TBL1X: variants seen among roughly 807,000 people sequenced by gnomAD.
The protein encoded by TBL1X is F-box-like/WD repeat-containing protein TBL1X.
TBL1X carries 10 observed loss-of-function variants against 50.7 expected under a neutral mutation model. That is an observed-to-expected ratio of 0.20 (90% CI 0.12 to 0.33). The LOEUF is 0.33. Among genes scored for constraint, TBL1X ranks in the 10% least tolerant of loss-of-function variants. TBL1X has a pLI of 1.00. For missense variants in TBL1X, 340 were observed against 504.4 expected (o/e 0.67, Z 3.12); for synonymous variants, 190 against 214.7 (o/e 0.88, Z 1.01).
At chrX:9,699,877 C>T (rs1051225931) in intron 12 of TBL1X, among the ~76,000 whole-genome samples, 2 of 111,453 alleles carry the variant, frequency 1.8e-5, no homozygotes, top group Non-Finnish European at 3.8e-5. Context: ...TCAGGGTTGC[C>T]GGTGAAATTT....
At chrX:9,692,308 C>T in intron 9 of TBL1X, 54 bp downstream of exon 9, 1 of 1,142,920 alleles carries the variant, frequency 8.7e-7, no homozygotes, top group Non-Finnish European at 1.2e-6. Flanking sequence ...CGGCCAGCCA[C>T]CAGGCAGGGG....
chrX:9,556,808 G>T (rs766603167), intron 2 of TBL1X, among the ~76,000 whole-genome samples: 17 of 107,286 alleles, frequency 1.6e-4, no homozygotes, highest in Non-Finnish European at 3.1e-4. Flanking sequence ...TTTTGTTTTT[G>T]TTTTTGTTTT....
chrX:9,538,261 G>A (rs776004198), intron 2 of TBL1X, among the ~76,000 whole-genome samples: 4 of 111,581 alleles, frequency 3.6e-5, no homozygotes, highest in South Asian at 7.6e-4. Flanking sequence ...TAGTAACCAT[G>A]CTGCTCCCCA....
At chrX:9,470,576 A>G (rs897101382) in intron 1 of TBL1X, among the ~76,000 whole-genome samples, 7 of 112,306 alleles carry the variant, frequency 6.2e-5, no homozygotes, top group African/African-American at 1.3e-4. Context: ...TCTTTGTTCT[A>G]TGCCAGTTAG....
At chrX:9,522,798 C>A (rs1008953638) in intron 2 of TBL1X, among the ~76,000 whole-genome samples, 4 of 111,798 alleles carry the variant, frequency 3.6e-5, no homozygotes, top group African/African-American at 1.3e-4. Flanking sequence ...GTTGAACTCA[C>A]TTTCTCAGGC....
rs1180433495 is a variant in TBL1X, at chrX:9,582,519, A to G, written c.-130-57754A>G. Among the ~76,000 whole-genome samples, 4 of 112,554 alleles carry G rather than the reference A, an allele frequency of 3.6e-5. No individual in the cohort carries two copies. The Admixed American group carries it at 3.8e-4, about 11-fold the overall frequency. ...TGAGATATAATTTGTCTGATCAAGT[A>G]TATAGGGAGATGAGATTAAGAATTA... On this transcript the variant is annotated intron_variant, in intron 2 of 17. Transcript: ENST00000645353.
At chrX:9,680,233 C>A (rs1036981872) in intron 5 of TBL1X, among the ~76,000 whole-genome samples, 4 of 111,778 alleles carry the variant, frequency 3.6e-5, no homozygotes, top group Non-Finnish European at 5.6e-5. Flanking sequence ...CTGGGGGGGA[C>A]ACAAACATTC....
At chrX:9,525,395 T>G (rs948026373) in intron 2 of TBL1X, among the ~76,000 whole-genome samples, 2 of 112,154 alleles carry the variant, frequency 1.8e-5, no homozygotes, top group African/African-American at 6.5e-5. Flanking sequence ...CCTAGGTATT[T>G]GGACAAATTT....
At chrX:9,570,373 G>A (rs1425817379) in intron 2 of TBL1X, among the ~76,000 whole-genome samples, 1 of 111,823 alleles carries the variant, frequency 8.9e-6, no homozygotes, top group Non-Finnish European at 1.9e-5. Context: ...ACAGGAATGG[G>A]ACGTGGGGAG....
At chrX:9,467,454 C>T (rs2081783455) in intron 1 of TBL1X, among the ~76,000 whole-genome samples, 1 of 112,162 alleles carries the variant, frequency 8.9e-6, no homozygotes, top group Admixed American at 9.4e-5. Flanking sequence ...GCAGGACCAT[C>T]CTCCCACTGC....
At chrX:9,537,407 A>T (rs1180687888) in intron 2 of TBL1X, among the ~76,000 whole-genome samples, 1 of 110,994 alleles carries the variant, frequency 9.0e-6, no homozygotes, top group Non-Finnish European at 1.9e-5. Flanking sequence ...ACATTGTGCA[A>T]TCCTCACCAC....
Position 9,624,400 on chromosome X carries a change from T to C in TBL1X, c.-130-15873T>C, listed in dbSNP as rs999204239. Among the ~76,000 whole-genome samples, 4 of 112,144 alleles carry C rather than the reference T, an allele frequency of 3.6e-5. No homozygotes were observed. The Admixed American group carries it at 3.8e-4, about 11-fold the overall frequency. On this transcript the variant is annotated intron_variant, in intron 2 of 17. Transcript: ENST00000645353. ...CACTTGGTTCATAGTGTTTAATTTG[T>C]TGTCAGGAATGTCAGCCTCAGAACT...
chrX:9,509,601 T>C (rs1342139938), intron 2 of TBL1X, among the ~76,000 whole-genome samples: 2 of 102,436 alleles, frequency 2.0e-5, no homozygotes, highest in Non-Finnish European at 3.9e-5. Flanking sequence ...TCCTCTTGCC[T>C]CAACCTCCCA....
chrX:9,642,212 G>A (rs182236742), intron 3 of TBL1X, among the ~76,000 whole-genome samples: 2 of 111,536 alleles, frequency 1.8e-5, no homozygotes, highest in East Asian at 5.6e-4. Context: ...CTCTGCGTGA[G>A]GTATCTGTGT....
At chrX:9,552,248 C>T (rs149683531) in intron 2 of TBL1X, among the ~76,000 whole-genome samples, 138 of 111,584 alleles carry the variant, frequency 1.2e-3, no homozygotes, top group African/African-American at 3.8e-3. Context: ...GTGTTTTGTG[C>T]GGTCAAAGGG....
intron 2 of TBL1X, among the ~76,000 whole-genome samples, chrX:9,588,990 G>C (rs1227466701): frequency 9.0e-6 from 1 of 111,266 alleles, no homozygotes; most frequent in African/African-American, 3.3e-5. Context: ...TTGCACCAGA[G>C]GTAAGTGATC....
At chrX:9,679,386 C>T (rs183607029) in intron 5 of TBL1X, among the ~76,000 whole-genome samples, 1 of 111,175 alleles carries the variant, frequency 9.0e-6, no homozygotes, top group East Asian at 2.9e-4. Flanking sequence ...AAAAGTCAGC[C>T]ATGCTGTGCT....
At chrX:9,704,202 GT>G (rs2083193006) in intron 12 of TBL1X, among the ~76,000 whole-genome samples, 2 of 112,234 alleles carry the variant, frequency 1.8e-5, no homozygotes, top group Admixed American at 9.4e-5. Flanking sequence ...TCCCAAAGGG[GT>G]TTTTATTGAC....
intron 2 of TBL1X, among the ~76,000 whole-genome samples, chrX:9,555,052 A>T (rs1569053688): frequency 2.7e-5 from 3 of 111,833 alleles, no homozygotes; most frequent in African/African-American, 9.8e-5. Context: ...ATGTCATAGC[A>T]TGGATTGATC....
Sources: allele counts gnomAD v4.1 joint callset (sites outside exome capture counted in the v4.1 genomes callset), GRCh38; gene constraint gnomAD v4.1.1; transcripts MANE v1.5; gene names NCBI Gene and HGNC (gene_info 2026-07-23, HGNC 2026-07-21).